IGSF11: variants seen among roughly 807,000 people sequenced by gnomAD.
IGSF11 encodes immunoglobulin superfamily member 11.
A neutral mutation model predicts 41.0 loss-of-function variants in IGSF11; 22 were observed. That is an observed-to-expected ratio of 0.54 (90% CI 0.38 to 0.77). The LOEUF is 0.77. IGSF11 is among the 30% of genes least tolerant of loss of function. The pLI, the probability that IGSF11 is intolerant of heterozygous loss-of-function variation, is 0.00. For missense variants in IGSF11, 444 were observed against 530.8 expected (o/e 0.84, Z 1.61); for synonymous variants, 219 against 201.3 (o/e 1.09, Z -0.74).
intron 1 of IGSF11, among the ~76,000 whole-genome samples, chr3:119,089,023 T>C (rs543922940): frequency 9.2e-5 from 14 of 152,244 alleles, no homozygotes; most frequent in African/African-American, 3.1e-4. Context: ...CTGATACGAA[T>C]TCTGCTGAAA....
chr3:119,126,482 G>A (rs1364776014), intron 1 of IGSF11, among the ~76,000 whole-genome samples: 2 of 152,206 alleles, frequency 1.3e-5, no homozygotes, highest in Non-Finnish European at 2.9e-5. Flanking sequence ...AGACAAGTGG[G>A]TTTCCCCCCA....
chr3:119,126,343 G>GC (rs1269904547), intron 1 of IGSF11, among the ~76,000 whole-genome samples: 3 of 152,212 alleles, frequency 2.0e-5, no homozygotes, highest in African/African-American at 7.2e-5. Flanking sequence ...AGTAACTCCA[G>GC]CCAGAGGCTC....
intron 1 of IGSF11, among the ~76,000 whole-genome samples, chr3:118,968,314 C>T (rs1019610584): frequency 6.6e-6 from 1 of 152,086 alleles, no homozygotes; most frequent in Non-Finnish European, 1.5e-5. Context: ...TCCTTCTTTC[C>T]TAGGTCTCTT....
intron 1 of IGSF11, among the ~76,000 whole-genome samples, chr3:119,021,656 G>A (rs917023806): frequency 3.9e-5 from 6 of 151,972 alleles, no homozygotes; most frequent in Admixed American, 6.6e-5. Context: ...CCTTACCCCC[G>A]ACTCTCATTG....
intron 1 of IGSF11, among the ~76,000 whole-genome samples, chr3:119,054,998 G>C (rs1418995872): frequency 1.3e-5 from 2 of 152,130 alleles, no homozygotes; most frequent in East Asian, 3.9e-4. Context: ...GGAACAATCA[G>C]GCAGCAGCAT....
intron 1 of IGSF11, among the ~76,000 whole-genome samples, chr3:119,077,162 A>C (rs2076513781): frequency 6.6e-6 from 1 of 152,160 alleles, no homozygotes; most frequent in African/African-American, 2.4e-5. Flanking sequence ...GCAAACTATC[A>C]TAAGAACAAA....
intron 1 of IGSF11, among the ~76,000 whole-genome samples, chr3:119,057,808 A>C (rs1183293334): frequency 3.3e-5 from 5 of 152,214 alleles, no homozygotes; most frequent in Non-Finnish European, 7.3e-5. Context: ...GAGCCCTCAG[A>C]AATAACGCTG....
chr3:119,034,561 G>A lies in IGSF11; in HGVS notation c.22C>T (p.Leu8=), dbSNP rs1940751773. 3 of 1,593,496 alleles carry A rather than the reference G, an allele frequency of 1.9e-6. No homozygotes were observed. Among genetic ancestry groups the A allele is most frequent in the Non-Finnish European group, 2.6e-6 (3 of 1,171,002 alleles). The change falls in exon 1 of 7, where the codon CTG becomes TTG. Residue 8 remains leucine (L), a synonymous_variant. Transcript: ENST00000393775. The stretch of plus-strand genomic sequence containing the variant: ...AGAGAGAGGAGCAGCAAAGGCGCCA[G>A]AGGGGAACGCTGAGAAGTCATCCCG... MTSQRSP[L]APLLLLSLHG... is the part of the protein sequence containing the mutation.
intron 1 of IGSF11, among the ~76,000 whole-genome samples, chr3:119,055,387 C>T (rs182788437): frequency 1.9e-4 from 29 of 152,078 alleles, no homozygotes; most frequent in Non-Finnish European, 3.1e-4. Context: ...CATTACATAA[C>T]GCTAAAGGGA....
At chr3:118,957,059 G>A (rs1247152647) in intron 1 of IGSF11, among the ~76,000 whole-genome samples, 1 of 152,070 alleles carries the variant, frequency 6.6e-6, no homozygotes, top group Non-Finnish European at 1.5e-5. Context: ...AGGAAAGCCT[G>A]GGTGTAACTC....
At chr3:119,083,903 C>T (rs1056332485) in intron 1 of IGSF11, among the ~76,000 whole-genome samples, 1 of 151,910 alleles carries the variant, frequency 6.6e-6, no homozygotes. Context: ...CTCAGACAGG[C>T]CTTTCAGGAG....
intron 1 of IGSF11, among the ~76,000 whole-genome samples, chr3:119,050,938 T>C (rs1166190361): frequency 2.0e-5 from 3 of 147,354 alleles, no homozygotes; most frequent in Non-Finnish European, 3.0e-5. Context: ...TAGGTGGGAA[T>C]TGAACAATGA....
chr3:118,909,285 G>A (rs998175365), intron 4 of IGSF11, among the ~76,000 whole-genome samples: 6 of 151,884 alleles, frequency 4.0e-5, no homozygotes, highest in Admixed American at 3.3e-4. Context: ...TTATATAAAA[G>A]TTTCAGAAGT....
chr3:119,054,933 C>T (rs576439364), intron 1 of IGSF11, among the ~76,000 whole-genome samples: 7 of 152,266 alleles, frequency 4.6e-5, no homozygotes, highest in South Asian at 2.1e-4. Context: ...CCCCCAAGTA[C>T]GGGCGGACTG....
chr3:119,078,073 T>C (rs1322985749), intron 1 of IGSF11, among the ~76,000 whole-genome samples: 1 of 152,168 alleles, frequency 6.6e-6, no homozygotes, highest in Non-Finnish European at 1.5e-5. Flanking sequence ...AACATCGATA[T>C]TATTAATATG....
intron 1 of IGSF11, among the ~76,000 whole-genome samples, chr3:118,980,336 T>A (rs996792346): frequency 2.4e-4 from 36 of 152,224 alleles, no homozygotes; most frequent in African/African-American, 8.2e-4. Flanking sequence ...GGAAATCTAT[T>A]GACCATAAAA....
intron 1 of IGSF11, among the ~76,000 whole-genome samples, chr3:119,034,233 G>C (rs1940693950): frequency 6.6e-6 from 1 of 152,328 alleles, no homozygotes; most frequent in African/African-American, 2.4e-5. Flanking sequence ...TATCTAAAAA[G>C]GATCCTGCAT....
intron 1 of IGSF11, among the ~76,000 whole-genome samples, chr3:118,974,267 A>G (rs1382811802): frequency 2.0e-5 from 3 of 152,206 alleles, no homozygotes; most frequent in Non-Finnish European, 2.9e-5. Context: ...TTGAATAAAA[A>G]AGAGACGGGG....
intron 4 of IGSF11, among the ~76,000 whole-genome samples, chr3:118,912,191 A>C (rs1940406942): frequency 6.6e-6 from 1 of 152,234 alleles, no homozygotes; most frequent in Non-Finnish European, 1.5e-5. Flanking sequence ...GTGCATCTTT[A>C]AAGTGTGAAG....
Sources: allele counts gnomAD v4.1 joint callset (sites outside exome capture counted in the v4.1 genomes callset), GRCh38; gene constraint gnomAD v4.1.1; transcripts MANE v1.5; gene names NCBI Gene and HGNC (gene_info 2026-07-23, HGNC 2026-07-21).